Variants in ZNF471 observed in about 807,000 individuals in gnomAD.
ZNF471 encodes zinc finger protein 471, also known as EZFIT-related protein 1.
In ZNF471, 7 loss-of-function variants were observed where a neutral mutation model predicts 13.7. The ratio of observed to expected loss-of-function variants is 0.51; its 90% CI spans 0.29 to 0.96. The LOEUF is 0.96. Among genes scored for constraint, ZNF471 ranks in the 40% least tolerant of loss-of-function variants. The probability of loss-of-function intolerance (pLI) is 0.08; values close to 1 mark genes in which losing one functional copy is unlikely to be tolerated. For missense variants in ZNF471, 663 were observed against 743.3 expected (o/e 0.89, Z 1.26); for synonymous variants, 218 against 235.6 (o/e 0.93, Z 0.68).
At position 56,507,926 on chromosome 19, in the gene ZNF471, TTTTGGGTGGTTTGGGA is replaced by T; in HGVS notation, c.-56+7_-56+22del. 1 of 985,410 alleles carries T rather than the reference TTTTGGGTGGTTTGGGA, an allele frequency of 1.0e-6. No individual in the cohort carries two copies. Among genetic ancestry groups the T allele is most frequent in the Non-Finnish European group, 1.2e-6 (1 of 830,014 alleles). 61.0% of individuals were successfully genotyped at this position (985,410 alleles called of 1,614,324 possible). A position where few individuals can be genotyped will look rare whatever the true frequency, so the allele number is the denominator to read the frequency against. Reference sequence around the variant, plus strand: ...GGTGCCAGACGAGGCCGGGGGTTTGTTTTGGGTGGTTTGGGAGTCCGAGCTCGAGGGCTGGGCCAGG... The same window carrying T: ...GGTGCCAGACGAGGCCGGGGGTTTGTGTCCGAGCTCGAGGGCTGGGCCAGG... On this transcript the variant is annotated splice_region_variant and intron_variant, in intron 1 of 4. Coordinates refer to ENST00000308031, the MANE Select transcript of ZNF471 (RefSeq NM_020813.4).
chr19:56,516,340 T>G lies in ZNF471; in HGVS notation c.99T>G (p.Pro33=). 6.2e-7 allele frequency: 1 copy of G among 1,613,952 alleles called. No homozygotes were observed. The highest frequency in any genetic ancestry group is 1.6e-4 in the Middle Eastern group (1 of 6,062). Residue 33 remains proline, a synonymous_variant, in exon 3 of 5, where the codon CCT becomes CCG. Transcript: ENST00000308031. This position sits in a 1 kb window ranked among gnomAD's most constrained non-coding sequence, Gnocchi z 4.4. ...FSQEEWQWMN[P]AQKRLYRSMM... is the part of the protein sequence containing the mutation. ...AGGAAGAATGGCAATGGATGAACCCTGCTCAGAAGCGTTTATACAGGAGTA... is the reference window on the plus strand; with the variant it reads ...AGGAAGAATGGCAATGGATGAACCCGGCTCAGAAGCGTTTATACAGGAGTA...
rs943919848 is a variant in ZNF471, at chr19:56,529,149, T to C, written c.*3201T>C. The C allele has an allele frequency of 6.6e-6, 1 of 152,332 alleles. No individual in the cohort carries two copies. The highest frequency in any genetic ancestry group is 6.5e-5 in the Admixed American group (1 of 15,298). 9.4% of individuals were successfully genotyped at this position (152,332 alleles called of 1,614,324 possible). A position where few individuals can be genotyped will look rare whatever the true frequency, so the allele number is the denominator to read the frequency against. ...TGTAATCCTGTAAGTTACTTTTACATTGACAGTTCTGAAATTCATGTTGAG... is the reference window on the plus strand; with the variant it reads ...TGTAATCCTGTAAGTTACTTTTACACTGACAGTTCTGAAATTCATGTTGAG... On this transcript the variant is annotated 3_prime_UTR_variant, in exon 5 of 5. Coordinates refer to ENST00000308031, the MANE Select transcript of ZNF471 (RefSeq NM_020813.4).
At chr19:56,519,684 C>A (rs142591892) in intron 4 of ZNF471, among the ~76,000 whole-genome samples, 15 of 152,334 alleles carry the variant, frequency 9.8e-5, no homozygotes, top group African/African-American at 2.9e-4. Flanking sequence ...TAATTTGGAT[C>A]CTAAATTTCC....
chr19:56,508,468 A>C lies in ZNF471; in HGVS notation c.-56+548A>C, dbSNP rs2043764934. ...CGTGAGACCAGGATGTATTCGTGTG[A>C]GAGAGTGAGACGGGCTGGATGGAGT... On this transcript the variant is annotated intron_variant, in intron 1 of 4. Coordinates refer to ENST00000308031, the MANE Select transcript of ZNF471 (RefSeq NM_020813.4). This position sits in a 1 kb window ranked among gnomAD's most constrained non-coding sequence, Gnocchi z 4.7. Among the ~76,000 whole-genome samples, 1 of 150,150 alleles carries C rather than the reference A, an allele frequency of 6.7e-6. No homozygotes were observed. Among genetic ancestry groups the C allele is most frequent in the Admixed American group, 6.6e-5 (1 of 15,088 alleles).
Position 56,510,815 on chromosome 19 carries a change from C to T in ZNF471, c.-55-702C>T. 1.0e-6 allele frequency: 1 copy of T among 985,358 alleles called. No homozygotes were observed. The highest frequency in any genetic ancestry group is 1.7e-5 in the African/African-American group (1 of 57,308). The allele number at this position is 985,358 out of a possible 1,614,324, so 61.0% of individuals were successfully genotyped here. A position where few individuals can be genotyped will look rare whatever the true frequency, so the allele number is the denominator to read the frequency against. On this transcript the variant is annotated intron_variant, in intron 1 of 4. Coordinates refer to ENST00000308031, the MANE Select transcript of ZNF471 (RefSeq NM_020813.4). The surrounding 1 kb of genome is among the most constrained non-coding windows in gnomAD (Gnocchi z 4.3). Reference sequence around the variant, plus strand: ...GTGGAATAGAATTCCTGTCCCCAGTCCAAGGGTTTCAGTAAGAAGCAAAGC... The same window carrying T: ...GTGGAATAGAATTCCTGTCCCCAGTTCAAGGGTTTCAGTAAGAAGCAAAGC...
Position 56,525,882 on chromosome 19 carries a change from GA to G in ZNF471, c.1817del (p.Lys606ArgfsTer9). ...QRPYQCFECG[K>X]AFRRKLSLIC... ...GGCCCTATCAGTGTTTTGAATGTGG[GA>G]AGGCGTTCAGAAGAAAGTTATCCTT... On this transcript the variant is annotated frameshift_variant, in exon 5 of 5. Coordinates refer to ENST00000308031, the MANE Select transcript of ZNF471 (RefSeq NM_020813.4). LOFTEE classifies it low-confidence loss of function (END_TRUNC). 1 of 1,595,320 alleles carries G rather than the reference GA, an allele frequency of 6.3e-7. No individual in the cohort carries two copies. Among genetic ancestry groups the G allele is most frequent in the South Asian group, 1.1e-5 (1 of 87,546 alleles).
chr19:56,508,250 T>A lies in ZNF471; in HGVS notation c.-56+330T>A, dbSNP rs1323193733. The A allele has an allele frequency of 1.2e-6, 1 of 814,556 alleles. No individual in the cohort carries two copies. The highest frequency in any genetic ancestry group is 1.5e-6 in the Non-Finnish European group (1 of 678,688). 50.5% of individuals were successfully genotyped at this position (814,556 alleles called of 1,614,324 possible). A position where few individuals can be genotyped will look rare whatever the true frequency, so the allele number is the denominator to read the frequency against. The stretch of plus-strand genomic sequence containing the variant: ...GTTTCTGTGTGTGTGTGTGTGTGTG[T>A]GTGACAGACCGAGAGTCCAGTGTGA... On this transcript the variant is annotated intron_variant, in intron 1 of 4. Coordinates refer to ENST00000308031, the MANE Select transcript of ZNF471 (RefSeq NM_020813.4). This position sits in a 1 kb window ranked among gnomAD's most constrained non-coding sequence, Gnocchi z 4.7.
Position 56,510,740 on chromosome 19 carries a change from T to C in ZNF471, c.-55-777T>C. ...TACTTGGAAGATTGATAGGATTGGA[T>C]TCTTTATGAGTGTGGCTGTTTGGAA... On this transcript the variant is annotated intron_variant, in intron 1 of 4. Coordinates refer to ENST00000308031, the MANE Select transcript of ZNF471 (RefSeq NM_020813.4). This position sits in a 1 kb window ranked among gnomAD's most constrained non-coding sequence, Gnocchi z 4.3. The C allele has an allele frequency of 4.1e-6, 4 of 985,522 alleles. No homozygotes were observed. Among genetic ancestry groups the C allele is most frequent in the Non-Finnish European group, 3.6e-6 (3 of 829,998 alleles). 61.0% of individuals were successfully genotyped at this position (985,522 alleles called of 1,614,324 possible).
At chr19:56,521,294 A>G (rs2043967137) in intron 4 of ZNF471, among the ~76,000 whole-genome samples, 1 of 152,174 alleles carries the variant, frequency 6.6e-6, no homozygotes, top group African/African-American at 2.4e-5. Flanking sequence ...TGCATATAAG[A>G]CAGTCACACA....
Position 56,525,683 on chromosome 19 carries a change from G to A in ZNF471, c.1616G>A (p.Gly539Glu). ...HLAQHQKTHT[G>E]EKPYECNECG... ...GCCCAACATCAGAAAACTCATACAGGAGAGAAACCTTATGAGTGTAATGAA... is the reference window on the plus strand; with the variant it reads ...GCCCAACATCAGAAAACTCATACAGAAGAGAAACCTTATGAGTGTAATGAA... The change falls in exon 5 of 5, where the codon GGA (glycine) becomes GAA (glutamate). Residue 539 changes from glycine to glutamate, a missense_variant. Physicochemically the swap from Gly to Glu is moderately conservative, Grantham distance 98. Coordinates refer to ENST00000308031, the MANE Select transcript of ZNF471 (RefSeq NM_020813.4). The A allele has an allele frequency of 6.2e-7, 1 of 1,614,128 alleles. No homozygotes were observed. Among genetic ancestry groups the A allele is most frequent in the South Asian group, 1.1e-5 (1 of 91,072 alleles).
chr19:56,517,609 T>C (rs753925554), intron 3 of ZNF471, among the ~76,000 whole-genome samples: 3 of 152,034 alleles, frequency 2.0e-5, no homozygotes, highest in Non-Finnish European at 4.4e-5. Flanking sequence ...CTGACCTAAT[T>C]TTTGTATTTT....
In ZNF471 at chr19:56,524,330, A is replaced by G. The variant is rs1201224578; in HGVS notation, c.263A>G (p.Glu88Gly). 1 of 1,520,094 alleles carries G rather than the reference A, an allele frequency of 6.6e-7. No individual in the cohort carries two copies. The highest frequency in any genetic ancestry group is 2.4e-5 in the Admixed American group (1 of 42,098). The allele number at this position is 1,520,094 out of a possible 1,614,324, so 94.2% of individuals were successfully genotyped here. Residue 88 changes from glutamate (E) to glycine (G), a missense_variant, in exon 5 of 5, where the codon GAA becomes GGA. Transcript: ENST00000308031. This position sits in a 1 kb window ranked among gnomAD's most constrained non-coding sequence, Gnocchi z 4.8. ...TTTTTTTAATATCTTTCAGATTGGG[A>G]ATCTATATATGTGACACAGGAATTA... ...EMTRSPFSDW[E>G]SIYVTQELPL...
chr19:56,516,148 A>G lies in ZNF471; in HGVS notation c.34-127A>G, dbSNP rs1295378555. The G allele has an allele frequency of 3.2e-6, 3 of 937,854 alleles. No homozygotes were observed. In the East Asian group the frequency reaches 7.9e-5, roughly 25 times the overall value. The allele number at this position is 937,854 out of a possible 1,614,324, so 58.1% of individuals were successfully genotyped here. ...TTCCATAAGTACTGTTTTGGCTTGG[A>G]TCTTCCTATTTATGTTTTTTCTCTT... is the stretch of plus-strand genomic sequence containing the variant. On this transcript the variant is annotated intron_variant, in intron 2 of 4. Transcript: ENST00000308031. This position sits in a 1 kb window ranked among gnomAD's most constrained non-coding sequence, Gnocchi z 4.4.
Position 56,525,517 on chromosome 19 carries a change from G to A in ZNF471, c.1450G>A (p.Glu484Lys). The A allele has an allele frequency of 6.2e-7, 1 of 1,614,010 alleles. No individual in the cohort carries two copies. Among genetic ancestry groups the A allele is most frequent in the Non-Finnish European group, 8.5e-7 (1 of 1,179,990 alleles). ...TAGTCATTTGAGAATTCATACTGGT[G>A]AAAAACCCTATGAATGTAAAGAATG... ...LVSHLRIHTG[E>K]KPYECKECGK... The change falls in exon 5 of 5, where the codon GAA (glutamate) becomes AAA (lysine). Residue 484 changes from glutamate (E) to lysine (K), a missense_variant. Glu to Lys is a moderately conservative substitution (Grantham distance 56). Coordinates refer to ENST00000308031, the MANE Select transcript of ZNF471 (RefSeq NM_020813.4).
chr19:56,518,058 CCTTTT>C (rs1158465318), intron 3 of ZNF471, among the ~76,000 whole-genome samples: 1 of 152,026 alleles, frequency 6.6e-6, no homozygotes, highest in Non-Finnish European at 1.5e-5. Context: ...TTCACTTTTT[CCTTTT>C]CTTATGTCAA....
Position 56,528,296 on chromosome 19 carries a change from G to C in ZNF471, c.*2348G>C, listed in dbSNP as rs537895480. On this transcript the variant is annotated 3_prime_UTR_variant, in exon 5 of 5. Coordinates refer to ENST00000308031, the MANE Select transcript of ZNF471 (RefSeq NM_020813.4). ...TAGCAAAATGACCAACTCATACTAA[G>C]TGCTTAGTAAATGTTAGATAAGTAT... 3 of 152,248 alleles carry C rather than the reference G, an allele frequency of 2.0e-5. No homozygotes were observed. The highest frequency in any genetic ancestry group is 7.2e-5 in the African/African-American group (3 of 41,536). The allele number at this position is 152,248 out of a possible 1,614,324, so 9.4% of individuals were successfully genotyped here.
At chr19:56,519,919 G>A (rs1410701111) in intron 4 of ZNF471, among the ~76,000 whole-genome samples, 2 of 152,220 alleles carry the variant, frequency 1.3e-5, no homozygotes, top group African/African-American at 4.8e-5. Context: ...CATCCATGCT[G>A]TATGCCCTAC....
In ZNF471 at chr19:56,528,709, T is replaced by C. The variant is rs1481919583; in HGVS notation, c.*2761T>C. The C allele has an allele frequency of 6.6e-6, 1 of 152,236 alleles. No individual in the cohort carries two copies. The highest frequency in any genetic ancestry group is 1.5e-5 in the Non-Finnish European group (1 of 68,044). The allele number at this position is 152,236 out of a possible 1,614,324, so 9.4% of individuals were successfully genotyped here. ...TAGAACATGTTTTAAGAAGTGGCTA[T>C]ATAGCTCTGGATAAAACGAACAAAA... On this transcript the variant is annotated 3_prime_UTR_variant, in exon 5 of 5. Coordinates refer to ENST00000308031, the MANE Select transcript of ZNF471 (RefSeq NM_020813.4).
intron 1 of ZNF471, among the ~76,000 whole-genome samples, 153 bp from the exon 2 acceptor site, chr19:56,511,364 C>G (rs1228279255): frequency 6.6e-6 from 1 of 151,750 alleles, no homozygotes; most frequent in Admixed American, 6.6e-5. Flanking sequence ...AAAAAAAAAC[C>G]GTTATGAGTT....
Sources: gnomAD v4.1 joint callset for allele counts (sites outside exome capture counted in the v4.1 genomes callset) on GRCh38, gnomAD v4.1.1 for gene constraint, Gnocchi (gnomAD v3.1) non-coding constraint, MANE v1.5 for transcripts, NCBI Gene and HGNC (gene_info 2026-07-23, HGNC 2026-07-21) for gene names.